FANCL: variants seen among roughly 807,000 people sequenced by gnomAD.
The protein encoded by FANCL is E3 ubiquitin-protein ligase FANCL.
A neutral mutation model predicts 59.4 loss-of-function variants in FANCL; 69 were observed. The observed-to-expected ratio is 1.16, with a 90% CI of 0.96 to 1.42. The LOEUF (loss-of-function observed/expected upper bound fraction) is 1.42, where lower values mean the gene tolerates loss of function less well. Ranked by LOEUF, FANCL falls within the 40% of genes most tolerant of loss-of-function variation. FANCL has a pLI of 0.00. For synonymous variants in FANCL, 180 were observed against 147.1 expected (o/e 1.22, Z -1.62); for missense variants, 519 against 447.2 (o/e 1.16, Z -1.45).
At position 58,217,791 on chromosome 2, in the gene FANCL, CAAAAA is replaced by C. The variant is rs766785357; in HGVS notation, c.374+4146_374+4150del. Reference sequence around the variant, plus strand: ...CTCCAGAGCTCTCAGGACAAGCGGACAAAAAAAAAAAATAAATCATTAAACATATT... The same window carrying C: ...CTCCAGAGCTCTCAGGACAAGCGGACAAAAAAATAAATCATTAAACATATT... On this transcript the variant is annotated intron_variant, in intron 5 of 13. Coordinates refer to ENST00000233741, the MANE Select transcript of FANCL (RefSeq NM_018062.4). Among the ~76,000 whole-genome samples the C allele has an allele frequency of 3.3e-5, 4 of 122,988 alleles. 1 individual carries two copies. In the South Asian group the frequency reaches 1.0e-3, roughly 31 times the overall value. The allele number at this position is 122,988 out of a possible 152,430, so 80.7% of individuals were successfully genotyped here.
At chr2:58,216,861 G>A (rs574976980) in intron 5 of FANCL, among the ~76,000 whole-genome samples, 13 of 151,820 alleles carry the variant, frequency 8.6e-5, no homozygotes, top group Admixed American at 5.3e-4. Context: ...GGGGTAAAGC[G>A]GGTGAGGAGA....
chr2:58,222,938 T>A (rs1032120018), intron 4 of FANCL, among the ~76,000 whole-genome samples: 1 of 151,828 alleles, frequency 6.6e-6, no homozygotes. Flanking sequence ...AAAAATATAA[T>A]CCTAATAAAA....
chr2:58,206,471 G>A (rs1488896300), intron 5 of FANCL, among the ~76,000 whole-genome samples: 3 of 151,324 alleles, frequency 2.0e-5, no homozygotes, highest in South Asian at 4.3e-4. Flanking sequence ...TAAAGAGGGA[G>A]AGAGAAGGCA....
At chr2:58,211,478 ATT>A (rs1352280076) in intron 5 of FANCL, among the ~76,000 whole-genome samples, 3 of 152,026 alleles carry the variant, frequency 2.0e-5, no homozygotes, top group Non-Finnish European at 4.4e-5. Context: ...CCCTGGAGAC[ATT>A]TTCCCCATTA....
At chr2:58,187,092 G>A (rs974286061) in intron 7 of FANCL, among the ~76,000 whole-genome samples, 2 of 152,166 alleles carry the variant, frequency 1.3e-5, no homozygotes, top group East Asian at 3.9e-4. Flanking sequence ...TATAAACCAT[G>A]TTACTATAAA....
intron 12 of FANCL, 86 bp from the exon 13 acceptor site, chr2:58,160,265 G>T: frequency 7.3e-7 from 1 of 1,366,302 alleles, no homozygotes; most frequent in Non-Finnish European, 1.0e-6. Flanking sequence ...GTTTTTAAGT[G>T]CATTATGTTT....
At chr2:58,224,037 A>G (rs757518527) in intron 4 of FANCL, among the ~76,000 whole-genome samples, 3 of 151,908 alleles carry the variant, frequency 2.0e-5, no homozygotes, top group Non-Finnish European at 2.9e-5. Flanking sequence ...GCTAAAATAC[A>G]GGATTTCATT....
chr2:58,180,637 C>T (rs1687843540), intron 7 of FANCL, among the ~76,000 whole-genome samples: 1 of 152,114 alleles, frequency 6.6e-6, no homozygotes, highest in South Asian at 2.1e-4. Context: ...AGCAAACCAC[C>T]ATGGCACGTG....
intron 1 of FANCL, among the ~76,000 whole-genome samples, chr2:58,234,408 C>T (rs976432072): frequency 6.6e-6 from 1 of 150,456 alleles, no homozygotes; most frequent in Non-Finnish European, 1.5e-5. Flanking sequence ...CAAGGAAGAA[C>T]AAAATGAAAT....
rs146061251 is a variant in FANCL, at chr2:58,164,327, T to C, written c.692-810A>G. On this transcript the variant is annotated intron_variant, in intron 8 of 13. Coordinates refer to ENST00000233741, the MANE Select transcript of FANCL (RefSeq NM_018062.4). Reference sequence around the variant, plus strand: ...TCACTAAGGCTGGCATCAACATAAATGCAGTTATTGCATATCTGGCAAAAA... The same window carrying C: ...TCACTAAGGCTGGCATCAACATAAACGCAGTTATTGCATATCTGGCAAAAA... Among the ~76,000 whole-genome samples the C allele has an allele frequency of 2.6e-4, 39 of 152,096 alleles. No individual in the cohort carries two copies. The East Asian group carries it at 7.1e-3, about 28-fold the overall frequency.
chr2:58,221,804 G>A, intron 5 of FANCL, 138 bp downstream of exon 5: 2 of 629,368 alleles, frequency 3.2e-6, no homozygotes, highest in Admixed American at 2.6e-5. Context: ...TTAATTCACA[G>A]CAACAATAAG....
intron 3 of FANCL, among the ~76,000 whole-genome samples, chr2:58,227,570 A>G (rs1403109775): frequency 6.6e-6 from 1 of 151,982 alleles, no homozygotes; most frequent in Non-Finnish European, 1.5e-5. Flanking sequence ...GCTGAAGTCT[A>G]TCGGTGTGCT....
At chr2:58,241,333 C>T (rs1163086363), upstream of FANCL, 2 of 1,612,722 alleles carry the variant, frequency 1.2e-6, no homozygotes, top group South Asian at 1.1e-5. Context: ...TCCGGAGAAA[C>T]ACAGAAAAGC....
At chr2:58,223,372 T>C (rs1473532588) in intron 4 of FANCL, among the ~76,000 whole-genome samples, 1 of 151,976 alleles carries the variant, frequency 6.6e-6, no homozygotes, top group Non-Finnish European at 1.5e-5. Context: ...ATAAAATGCA[T>C]TAATATAGTA....
intron 7 of FANCL, among the ~76,000 whole-genome samples, chr2:58,187,504 A>G (rs575810554): frequency 1.3e-5 from 2 of 152,018 alleles, no homozygotes; most frequent in African/African-American, 4.8e-5. Flanking sequence ...AACATGGCCC[A>G]TGTATACATA....
intron 8 of FANCL, among the ~76,000 whole-genome samples, chr2:58,164,819 AC>A (rs1286392598): frequency 2.6e-5 from 4 of 152,110 alleles, no homozygotes. Flanking sequence ...ACACAGTTAG[AC>A]TTTTTGAAAC....
intron 5 of FANCL, among the ~76,000 whole-genome samples, chr2:58,205,872 A>G (rs1690536146): frequency 6.6e-6 from 1 of 152,108 alleles, no homozygotes; most frequent in South Asian, 2.1e-4. Flanking sequence ...AAACCAAATT[A>G]TAAACAATAA....
intron 5 of FANCL, among the ~76,000 whole-genome samples, chr2:58,208,967 A>G (rs994661608): frequency 1.3e-5 from 2 of 152,156 alleles, no homozygotes; most frequent in African/African-American, 4.8e-5. Flanking sequence ...GATCTACTCC[A>G]AAGTCAAAAA....
intron 1 of FANCL, among the ~76,000 whole-genome samples, chr2:58,237,132 A>G (rs968075309): frequency 6.6e-6 from 1 of 152,158 alleles, no homozygotes; most frequent in Admixed American, 6.6e-5. Context: ...CCTAACTGGC[A>G]TTTATATAAT....
Sources: gnomAD v4.1 joint callset for allele counts (sites outside exome capture counted in the v4.1 genomes callset) on GRCh38, gnomAD v4.1.1 for gene constraint, MANE v1.5 for transcripts, NCBI Gene and HGNC (gene_info 2026-07-23, HGNC 2026-07-21) for gene names.